LARP4: variants seen among roughly 807,000 people sequenced by gnomAD.
The protein encoded by LARP4 is La ribonucleoprotein 4.
LARP4 carries 29 observed loss-of-function variants against 92.9 expected under a neutral mutation model. That is an observed-to-expected ratio of 0.31 (90% confidence interval 0.23 to 0.43). LARP4 has a LOEUF of 0.43. LARP4 is among the 20% of genes least tolerant of loss of function. The pLI is 1.00. For missense variants in LARP4, 732 were observed against 860.0 expected, an observed-to-expected ratio of 0.85 and a Z score of 1.86; for synonymous variants, 279 against 284.1, an observed-to-expected ratio of 0.98 and a Z score of 0.18.
At chr12:50,468,229 C>T (rs7304262) in intron 13 of LARP4, among the ~76,000 whole-genome samples, 16,468 of 152,068 alleles carry the variant, frequency 0.11, 1,755 homozygotes, top group East Asian at 0.45. Context: ...CCGCCCACCT[C>T]GGCCTCCCAA....
chr12:50,448,908 G>A (rs1207513162), intron 8 of LARP4, among the ~76,000 whole-genome samples: 2 of 152,108 alleles, frequency 1.3e-5, no homozygotes, highest in East Asian at 3.8e-4. Flanking sequence ...CAAGTACCTA[G>A]TCACTTTTCA....
chr12:50,443,125 C>T (rs2137725941), intron 8 of LARP4, among the ~76,000 whole-genome samples: 1 of 152,172 alleles, frequency 6.6e-6, no homozygotes, highest in South Asian at 2.1e-4. Context: ...CTATTTTTCC[C>T]CATATATGGA....
At chr12:50,426,980 C>T (rs897546198) in intron 1 of LARP4, among the ~76,000 whole-genome samples, 2 of 151,876 alleles carry the variant, frequency 1.3e-5, no homozygotes, top group Non-Finnish European at 2.9e-5. Flanking sequence ...TCAAGTGATC[C>T]GCCCGCCTTG....
At chr12:50,436,218 G>A (rs1950444066) in intron 5 of LARP4, among the ~76,000 whole-genome samples, 1 of 150,422 alleles carries the variant, frequency 6.6e-6, no homozygotes, top group South Asian at 2.1e-4. Context: ...TGGTGTGTGG[G>A]GGTGTGTGTG....
chr12:50,461,472 T>TA (rs1955370237), intron 11 of LARP4, 125 bp downstream of exon 11: 11 of 1,002,422 alleles, frequency 1.1e-5, no homozygotes, highest in South Asian at 1.1e-4. Flanking sequence ...ATTAAATAAA[T>TA]ACGTTATTTT....
chr12:50,429,927 A>C (rs1427659123), intron 3 of LARP4, among the ~76,000 whole-genome samples: 1 of 152,216 alleles, frequency 6.6e-6, no homozygotes, highest in African/African-American at 2.4e-5. Flanking sequence ...GGCGTGAGCC[A>C]CCATGCCCGG....
chr12:50,465,304 A>G (rs541316261), intron 12 of LARP4, among the ~76,000 whole-genome samples: 67 of 150,016 alleles, frequency 4.5e-4, no homozygotes, highest in Middle Eastern at 3.4e-3. Context: ...CCCAGGAGGC[A>G]GAGGTTGCAA....
chr12:50,423,201 C>T (rs1325370840), intron 1 of LARP4, among the ~76,000 whole-genome samples: 1 of 152,006 alleles, frequency 6.6e-6, no homozygotes, highest in African/African-American at 2.4e-5. Context: ...TGCATTTTTC[C>T]TTTAAAAAAT....
intron 12 of LARP4, among the ~76,000 whole-genome samples, chr12:50,463,207 TAGTC>T (rs1955675238): frequency 6.7e-6 from 1 of 149,424 alleles, no homozygotes; most frequent in African/African-American, 2.5e-5. Flanking sequence ...TTGGGAGGCT[TAGTC>T]AGTGGATCAC....
intron 2 of LARP4, among the ~76,000 whole-genome samples, chr12:50,428,442 T>G (rs1949149018): frequency 6.6e-6 from 1 of 152,340 alleles, no homozygotes; most frequent in South Asian, 2.1e-4. Context: ...AATTCTCATT[T>G]ATATCTAACA....
At chr12:50,474,345 C>CT (rs1166852986) in intron 15 of LARP4, among the ~76,000 whole-genome samples, 178 bp downstream of exon 15, 11 of 151,200 alleles carry the variant, frequency 7.3e-5, no homozygotes, top group Non-Finnish European at 1.6e-4. Context: ...AAGTTTTAGG[C>CT]TTTTTTTTGT....
intron 6 of LARP4, among the ~76,000 whole-genome samples, chr12:50,439,508 T>C (rs1000051031): frequency 1.3e-5 from 2 of 152,096 alleles, no homozygotes; most frequent in African/African-American, 2.4e-5. Context: ...GCTCAAGCAG[T>C]CCTCCTACCT....
At chr12:50,440,628 G>T in intron 7 of LARP4, 79 bp downstream of exon 7, 1 of 936,126 alleles carries the variant, frequency 1.1e-6, no homozygotes, top group Non-Finnish European at 1.7e-6. Context: ...GAGAAAATGT[G>T]TGTTTACACT....
intron 8 of LARP4, among the ~76,000 whole-genome samples, chr12:50,449,636 G>T (rs899350409): frequency 2.0e-5 from 3 of 152,056 alleles, no homozygotes; most frequent in African/African-American, 7.2e-5. Context: ...TCATTGGTCT[G>T]TTAATTCATT....
intron 4 of LARP4, among the ~76,000 whole-genome samples, chr12:50,431,994 G>A (rs752121007): frequency 1.3e-5 from 2 of 152,084 alleles, no homozygotes; most frequent in African/African-American, 2.4e-5. Context: ...AAAAATTAGC[G>A]GGGTGTGGTA....
intron 13 of LARP4, among the ~76,000 whole-genome samples, chr12:50,468,938 C>A (rs4334109): frequency 0.97 from 147,206 of 151,960 alleles, 71,491 homozygotes; most frequent in East Asian, 1. Flanking sequence ...GTCCTACTGC[C>A]TAGCTATGTT....
At chr12:50,462,301 G>A (rs1955510281) in intron 11 of LARP4, among the ~76,000 whole-genome samples, 1 of 152,080 alleles carries the variant, frequency 6.6e-6, no homozygotes, top group African/African-American at 2.4e-5. Context: ...CCAACATGGT[G>A]AAACCCTGTC....
At chr12:50,452,081 G>A (rs757757443) in intron 8 of LARP4, among the ~76,000 whole-genome samples, 2 of 152,190 alleles carry the variant, frequency 1.3e-5, no homozygotes, top group African/African-American at 2.4e-5. Context: ...TTCATTTGCT[G>A]TGGACACCGG....
intron 1 of LARP4, among the ~76,000 whole-genome samples, chr12:50,410,858 T>A (rs1161748330): frequency 6.6e-6 from 1 of 152,196 alleles, no homozygotes; most frequent in Non-Finnish European, 1.5e-5. Flanking sequence ...TTTTGATGAA[T>A]GACAGATACT....
Sources: gnomAD v4.1 joint callset for allele counts (sites outside exome capture counted in the v4.1 genomes callset) on GRCh38, gnomAD v4.1.1 for gene constraint, MANE v1.5 for transcripts, NCBI Gene and HGNC (gene_info 2026-07-23, HGNC 2026-07-21) for gene names.